INO80: variants seen among roughly 807,000 people sequenced by gnomAD.
INO80 encodes chromatin-remodeling ATPase INO80.
INO80 carries 20 observed loss-of-function variants against 203.4 expected under a neutral mutation model. The ratio of observed to expected loss-of-function variants is 0.10; its 90% CI spans 0.07 to 0.14. The LOEUF is 0.14. Among genes scored for constraint, INO80 ranks in the 10% least tolerant of loss-of-function variants. The pLI is 1.00. For synonymous variants in INO80, 726 were observed against 685.2 expected, an observed-to-expected ratio of 1.06 and a Z score of -0.93; for missense variants, 1,419 against 1,914.4, an observed-to-expected ratio of 0.74 and a Z score of 4.83.
At chr15:41,107,749 G>C (rs185295409) in intron 1 of INO80, among the ~76,000 whole-genome samples, 39 of 152,154 alleles carry the variant, frequency 2.6e-4, no homozygotes, top group African/African-American at 9.4e-4. Context: ...GCAGTGAGCT[G>C]AGACCATGCC....
intron 13 of INO80, 30 bp downstream of exon 13, chr15:41,070,437 A>C: frequency 6.4e-7 from 1 of 1,574,524 alleles, no homozygotes; most frequent in Admixed American, 1.7e-5. Context: ...ATTCTAGAGA[A>C]ATGAAGATAG....
At chr15:41,000,771 A>C (rs985592444) in intron 28 of INO80, among the ~76,000 whole-genome samples, 25 of 151,874 alleles carry the variant, frequency 1.6e-4, no homozygotes, top group African/African-American at 5.5e-4. Context: ...GGTAATTTCC[A>C]TAGTCTGTAC....
intron 5 of INO80, among the ~76,000 whole-genome samples, chr15:41,091,210 C>T (rs1312298769): frequency 6.6e-6 from 1 of 152,158 alleles, no homozygotes; most frequent in African/African-American, 2.4e-5. Flanking sequence ...AGGCGTGAGT[C>T]ACTGCGCCCA....
At chr15:41,023,475 T>G in intron 25 of INO80, 1 of 357,332 alleles carries the variant, frequency 2.8e-6, no homozygotes, top group Non-Finnish European at 5.5e-6. Flanking sequence ...ATATTTAGTC[T>G]TCTCTAGTAA....
In INO80 at chr15:40,999,941, T is replaced by A. The variant is rs537575161; in HGVS notation, c.3498-2340A>T. 2.7e-3 allele frequency among the ~76,000 whole-genome samples: 404 copies of A among 152,110 alleles called. 1 individual carries two copies. Among genetic ancestry groups the A allele is most frequent in the Admixed American group, 3.9e-3 (60 of 15,264 alleles). On this transcript the variant is annotated intron_variant, in intron 28 of 35. Coordinates refer to ENST00000648947, the MANE Select transcript of INO80 (RefSeq NM_017553.3). ...CCCTGCATCTACATAAAATTTTTTT[T>A]AAAAAAATTAGCCAGGCATGGTGGC...
chr15:41,048,414 CAG>C (rs1485565918), intron 21 of INO80, 138 bp from the exon 22 acceptor site: 1 of 632,206 alleles, frequency 1.6e-6, no homozygotes, highest in Non-Finnish European at 2.8e-6. Flanking sequence ...GCCATATTAC[CAG>C]GCAAAAATCA....
chr15:41,092,936 G>A lies in INO80; in HGVS notation c.382-754C>T, dbSNP rs118068682. Among the ~76,000 whole-genome samples the A allele has an allele frequency of 5.8e-3, 890 of 152,236 alleles. 6 individuals carry two copies. The highest frequency in any genetic ancestry group is 0.011 in the Non-Finnish European group (736 of 68,018). ...TATAGTCCCAGCTACTTGGGAGACA[G>A]AGGAGGAAGGATTGCTTGACCCCAG... On this transcript the variant is annotated intron_variant, in intron 4 of 35. Transcript: ENST00000648947.
At position 40,983,142 on chromosome 15, in the gene INO80, A is replaced by G. The variant is rs1274667413; in HGVS notation, c.4238-65T>C. 4.5e-6 allele frequency: 6 copies of G among 1,332,610 alleles called. No homozygotes were observed. The Admixed American group carries it at 1.2e-4, about 26-fold the overall frequency. 82.5% of individuals were successfully genotyped at this position (1,332,610 alleles called of 1,614,324 possible). On this transcript the variant is annotated intron_variant, in intron 34 of 35. Transcript: ENST00000648947. ...AAAAGTCAATCTCCAAGATGTTAACATCACCTTCTCCTGACAGGGAAAGCG... is the reference window on the plus strand; with the variant it reads ...AAAAGTCAATCTCCAAGATGTTAACGTCACCTTCTCCTGACAGGGAAAGCG...
intron 29 of INO80, 52 bp downstream of exon 29, chr15:40,997,477 G>T: frequency 8.4e-7 from 1 of 1,196,094 alleles, no homozygotes; most frequent in Non-Finnish European, 1.3e-6. Flanking sequence ...TACATAGTAG[G>T]TTTCATAGTA....
At chr15:41,077,494 G>A (rs1001202031) in intron 9 of INO80, among the ~76,000 whole-genome samples, 1 of 152,166 alleles carries the variant, frequency 6.6e-6, no homozygotes, top group African/African-American at 2.4e-5. Context: ...GAGAAAGAGA[G>A]TGAGAGAAAA....
chr15:41,075,410 T>C (rs2045387945), intron 9 of INO80, among the ~76,000 whole-genome samples: 1 of 152,044 alleles, frequency 6.6e-6, no homozygotes, highest in Non-Finnish European at 1.5e-5. Context: ...TAGCTGGGAC[T>C]ATAGGCGTCC....
At chr15:41,042,458 G>A (rs941469230) in intron 24 of INO80, among the ~76,000 whole-genome samples, 12 of 151,850 alleles carry the variant, frequency 7.9e-5, no homozygotes, top group African/African-American at 2.9e-4. Flanking sequence ...GGCCCTGAAA[G>A]CAGAGATCTT....
At chr15:41,102,525 AGGTGT>A (rs1566950230) in intron 1 of INO80, among the ~76,000 whole-genome samples, 1 of 151,600 alleles carries the variant, frequency 6.6e-6, no homozygotes. Flanking sequence ...AAAATTAGCC[AGGTGT>A]GGTGGCGGGT....
chr15:41,071,448 C>CTT (rs747609865), intron 12 of INO80, among the ~76,000 whole-genome samples: 198 of 86,956 alleles, frequency 2.3e-3, no homozygotes, highest in Non-Finnish European at 3.1e-3. Context: ...TACTCATTTC[C>CTT]TTTTTTTTTT....
chr15:40,992,374 C>A (rs1345131585), intron 29 of INO80, among the ~76,000 whole-genome samples: 1 of 152,222 alleles, frequency 6.6e-6, no homozygotes, highest in Admixed American at 6.5e-5. Context: ...TACAGTGACA[C>A]AGTAAAAGGC....
intron 29 of INO80, among the ~76,000 whole-genome samples, chr15:40,995,475 GTAGA>G (rs1434680335): frequency 6.6e-6 from 1 of 152,138 alleles, no homozygotes; most frequent in Non-Finnish European, 1.5e-5. Context: ...AGCTATAAAG[GTAGA>G]TAAAGGACAC....
At chr15:40,991,448 A>G (rs2043815784) in intron 29 of INO80, among the ~76,000 whole-genome samples, 1 of 152,108 alleles carries the variant, frequency 6.6e-6, no homozygotes, top group Non-Finnish European at 1.5e-5. Flanking sequence ...GAGACAATGC[A>G]CCACTGTGGA....
rs542986893 is a variant in INO80, at chr15:41,098,652, G to A, written c.-43-2299C>T. On this transcript the variant is annotated intron_variant, in intron 1 of 35. Coordinates refer to ENST00000648947, the MANE Select transcript of INO80 (RefSeq NM_017553.3). The stretch of plus-strand genomic sequence containing the variant: ...ATCTTGCAACTGTACTCCAGCCTGG[G>A]TGACAAAAAAAAGAAAAAGAAAATG... 6.0e-4 allele frequency among the ~76,000 whole-genome samples: 91 copies of A among 151,706 alleles called. 2 individuals carry two copies. Among genetic ancestry groups the A allele is most frequent in the Non-Finnish European group, 1.8e-4 (12 of 67,916 alleles).
At chr15:41,052,660 G>A (rs142696732) in intron 19 of INO80, among the ~76,000 whole-genome samples, 40 of 138,092 alleles carry the variant, frequency 2.9e-4, no homozygotes, top group African/African-American at 9.8e-4. Context: ...GTGACAGAGC[G>A]AGCCCTTGTC....
Sources: allele counts gnomAD v4.1 joint callset (sites outside exome capture counted in the v4.1 genomes callset), GRCh38; gene constraint gnomAD v4.1.1; transcripts MANE v1.5; gene names NCBI Gene and HGNC (gene_info 2026-07-23, HGNC 2026-07-21).